The following MAPK10 variants were observed in gnomAD, a reference collection of about 807,000 sequenced individuals.
The protein encoded by MAPK10 is mitogen-activated protein kinase 10.
Under a neutral mutation model 59.3 loss-of-function variants are expected in MAPK10, and 25 were observed. That is an observed-to-expected ratio of 0.42 (90% CI 0.31 to 0.59). The LOEUF (loss-of-function observed/expected upper bound fraction) is 0.59. MAPK10 is among the 20% of genes least tolerant of loss of function. MAPK10 has a pLI of 0.15. For synonymous variants in MAPK10, 190 were observed against 200.5 expected (o/e 0.95, Z 0.44); for missense variants, 351 against 568.9 (o/e 0.62, Z 3.90).
chr4:86,320,580 G>T (rs2148890944), intron 2 of MAPK10, among the ~76,000 whole-genome samples: 1 of 152,298 alleles, frequency 6.6e-6, no homozygotes, highest in South Asian at 2.1e-4. Context: ...TGAGTAGGTT[G>T]CGAAAATTTT....
At chr4:86,093,101 T>C (rs1274871323) in intron 9 of MAPK10, among the ~76,000 whole-genome samples, 1 of 152,062 alleles carries the variant, frequency 6.6e-6, no homozygotes, top group Non-Finnish European at 1.5e-5. Context: ...ATAGAAATTA[T>C]ACAATGTAAG....
At chr4:86,357,881 G>C (rs1325505425) in intron 1 of MAPK10, 1 of 160,232 alleles carries the variant, frequency 6.2e-6, no homozygotes, top group Non-Finnish European at 1.3e-5. Context: ...AAGACACTTT[G>C]CAACAGCAGA....
chr4:86,450,968 A>T (rs1415091006), intron 1 of MAPK10, among the ~76,000 whole-genome samples: 1 of 152,234 alleles, frequency 6.6e-6, no homozygotes, highest in Non-Finnish European at 1.5e-5. Flanking sequence ...TTTGGATGTA[A>T]ATCCAAATCC....
chr4:86,076,043 G>A (rs554924404), intron 9 of MAPK10, among the ~76,000 whole-genome samples: 68 of 152,192 alleles, frequency 4.5e-4, no homozygotes, highest in Non-Finnish European at 7.5e-4. Flanking sequence ...AGCAATCAGC[G>A]AGATTCCGTG....
chr4:86,560,582 C>T (rs919440753), intron 1 of MAPK10, among the ~76,000 whole-genome samples: 14 of 152,310 alleles, frequency 9.2e-5, no homozygotes, highest in African/African-American at 2.9e-4. Flanking sequence ...AGGTCAATTT[C>T]GCCACTGGGG....
chr4:86,147,182 G>A (rs2065217876), intron 4 of MAPK10, among the ~76,000 whole-genome samples: 1 of 152,092 alleles, frequency 6.6e-6, no homozygotes, highest in South Asian at 2.1e-4. Context: ...CGCCTCCTGG[G>A]TACAAGGGAT....
chr4:86,294,890 A>G lies in MAPK10; in HGVS notation c.-7+59640T>C, dbSNP rs1192101843. Among the ~76,000 whole-genome samples the G allele has an allele frequency of 2.0e-5, 3 of 152,190 alleles. No homozygotes were observed. In the East Asian group the frequency reaches 5.8e-4, roughly 29 times the overall value. ...CACAGGCCTGGTTTGAAACCCCACA[A>G]GGCTTTGGAAAGAACCTCCTGAAGC... On this transcript the variant is annotated intron_variant, in intron 2 of 13. Coordinates refer to ENST00000641462, the MANE Select transcript of MAPK10 (RefSeq NM_138982.4).
intron 1 of MAPK10, among the ~76,000 whole-genome samples, chr4:86,437,036 C>T (rs1748828646): frequency 6.6e-6 from 1 of 151,940 alleles, no homozygotes; most frequent in Non-Finnish European, 1.5e-5. Flanking sequence ...CACGGTGAAA[C>T]CACATCTCTA....
At chr4:86,363,512 A>G (rs1384043418), upstream of MAPK10, among the ~76,000 whole-genome samples, 3 of 152,152 alleles carry the variant, frequency 2.0e-5, no homozygotes, top group Non-Finnish European at 4.4e-5. Flanking sequence ...ATTTTTATTA[A>G]TGTTATTTTT....
At chr4:86,251,109 T>C (rs1424839499) in intron 2 of MAPK10, among the ~76,000 whole-genome samples, 3 of 152,164 alleles carry the variant, frequency 2.0e-5, no homozygotes, top group Admixed American at 6.6e-5. Flanking sequence ...TGAGGCAGGA[T>C]TGCAATCTCC....
chr4:86,054,480 G>C (rs920076431), intron 11 of MAPK10, among the ~76,000 whole-genome samples: 7 of 152,260 alleles, frequency 4.6e-5, no homozygotes, highest in African/African-American at 1.7e-4. Context: ...TTAGTAAACT[G>C]CTCATATTTT....
chr4:86,174,629 G>C (rs549669724), intron 3 of MAPK10, among the ~76,000 whole-genome samples: 3 of 152,034 alleles, frequency 2.0e-5, no homozygotes, highest in African/African-American at 7.2e-5. Flanking sequence ...TTTTAAAAAG[G>C]TGATGTGCCT....
Position 86,136,185 on chromosome 4 carries a change from T to C in MAPK10, c.236+23113A>G, listed in dbSNP as rs566496755. On this transcript the variant is annotated intron_variant, in intron 4 of 13. Coordinates refer to ENST00000641462, the MANE Select transcript of MAPK10 (RefSeq NM_138982.4). ...GTTCACATTCAGGAAACACAGAGAATGCCACAAAGATACTCCTCGAGAAGA... is the reference window on the plus strand; with the variant it reads ...GTTCACATTCAGGAAACACAGAGAACGCCACAAAGATACTCCTCGAGAAGA... Among the ~76,000 whole-genome samples, 28 of 152,036 alleles carry C rather than the reference T, an allele frequency of 1.8e-4. No individual in the cohort carries two copies. The East Asian group carries it at 4.5e-3, about 24-fold the overall frequency.
At chr4:86,287,589 A>C (rs2095062760) in intron 2 of MAPK10, among the ~76,000 whole-genome samples, 1 of 152,192 alleles carries the variant, frequency 6.6e-6, no homozygotes, top group Non-Finnish European at 1.5e-5. Context: ...TGTGACTTTT[A>C]TTGTCCCTAT....
intron 2 of MAPK10, among the ~76,000 whole-genome samples, chr4:86,297,170 C>T (rs926755403): frequency 2.0e-5 from 3 of 152,148 alleles, no homozygotes; most frequent in Non-Finnish European, 4.4e-5. Context: ...AAACTCACAC[C>T]ATCTTTCATA....
rs956946772 is a variant in MAPK10 at position 86,372,663 on chromosome 4, C to T, written c.-121-18019G>A. Among the ~76,000 whole-genome samples the T allele has an allele frequency of 2.6e-5, 4 of 152,146 alleles. No homozygotes were observed. The East Asian group carries it at 7.7e-4, about 29-fold the overall frequency. On this transcript the variant is annotated intron_variant, in intron 1 of 13. Transcript: ENST00000361569. ...TGAACTACCTTCTCCTGAATGACTA[C>T]TGGGTAAATAACAAAATTAAGGCAG...
chr4:86,359,293 T>A (rs1736219547), intron 1 of MAPK10, among the ~76,000 whole-genome samples: 1 of 114,788 alleles, frequency 8.7e-6, no homozygotes, highest in African/African-American at 3.0e-5. Context: ...TCTCTCTGTG[T>A]GTGTGTGTGT....
In MAPK10 at chr4:86,261,885, C is replaced by T. The variant is rs538001296; in HGVS notation, c.-6-67478G>A. 2.6e-5 allele frequency among the ~76,000 whole-genome samples: 4 copies of T among 152,366 alleles called. No homozygotes were observed. The East Asian group carries it at 7.7e-4, about 29-fold the overall frequency. On this transcript the variant is annotated intron_variant, in intron 2 of 13. Transcript: ENST00000641462. ...CTCTTGTGCTGCAGCAAAGACTTCACCATGCACTGCCGTGAGGGCTAGTTC... is the reference window on the plus strand; with the variant it reads ...CTCTTGTGCTGCAGCAAAGACTTCATCATGCACTGCCGTGAGGGCTAGTTC...
Position 86,114,191 on chromosome 4 carries a change from C to T in MAPK10, c.237-6839G>A, listed in dbSNP as rs189657779. Among the ~76,000 whole-genome samples the T allele has an allele frequency of 3.7e-3, 564 of 152,254 alleles. 4 individuals are homozygous for T. Among genetic ancestry groups the T allele is most frequent in the Non-Finnish European group, 6.4e-3 (437 of 67,984 alleles). On this transcript the variant is annotated intron_variant, in intron 4 of 13. Coordinates refer to ENST00000641462, the MANE Select transcript of MAPK10 (RefSeq NM_138982.4). The stretch of plus-strand genomic sequence containing the variant: ...TTTAGCTCAGCAAAGTTCGTTATTA[C>T]CCACCTTTTGAAGACTACTTCTGTC...
Sources: gnomAD v4.1 joint callset for allele counts (sites outside exome capture counted in the v4.1 genomes callset) on GRCh38, gnomAD v4.1.1 for gene constraint, MANE v1.5 for transcripts, NCBI Gene and HGNC (gene_info 2026-07-23, HGNC 2026-07-21) for gene names.